The following ARCN1 variants were observed in gnomAD, a reference collection of about 807,000 sequenced individuals.
ARCN1 encodes the protein archain 1 coat protein complex I subunit delta.
In ARCN1, 5 loss-of-function variants were observed where a neutral mutation model predicts 60.4. The observed-to-expected ratio is 0.08, with a 90% CI of 0.04 to 0.17. ARCN1 has a LOEUF of 0.17. ARCN1 is among the 10% of genes least tolerant of loss of function. The pLI, the probability that ARCN1 is intolerant of heterozygous loss-of-function variation, is 1.00. For synonymous variants in ARCN1, 224 were observed against 220.0 expected (o/e 1.02, Z -0.16); for missense variants, 464 against 626.5 (o/e 0.74, Z 2.77).
In ARCN1 at chr11:118,588,909, G is replaced by A. The variant is rs376095048; in HGVS notation, c.819-1432G>A. Among the ~76,000 whole-genome samples, 884 of 151,638 alleles carry A rather than the reference G, an allele frequency of 5.8e-3. 10 individuals are homozygous for A. The highest frequency in any genetic ancestry group is 0.019 in the African/African-American group (787 of 41,338). On this transcript the variant is annotated intron_variant, in intron 5 of 9. Coordinates refer to ENST00000264028, the MANE Select transcript of ARCN1 (RefSeq NM_001655.5). ...GGCAGGTGCCTGAAATCCCAGCTACGCAGGAGGCTGAGACAGGAGAATCAC... is the reference window on the plus strand; with the variant it reads ...GGCAGGTGCCTGAAATCCCAGCTACACAGGAGGCTGAGACAGGAGAATCAC...
At chr11:118,580,074 G>A (rs1319627020) in intron 1 of ARCN1, among the ~76,000 whole-genome samples, 2 of 152,142 alleles carry the variant, frequency 1.3e-5, no homozygotes, top group Non-Finnish European at 2.9e-5. Flanking sequence ...TGTAATCCCA[G>A]CACTTTGGGA....
intron 5 of ARCN1, among the ~76,000 whole-genome samples, chr11:118,586,621 A>G (rs1308723299): frequency 1.3e-5 from 2 of 152,072 alleles, no homozygotes; most frequent in Non-Finnish European, 2.9e-5. Context: ...CAGGAGTTCA[A>G]GACCACCCTG....
At chr11:118,599,037 G>T (rs868907992) in intron 9 of ARCN1, among the ~76,000 whole-genome samples, 5 of 149,720 alleles carry the variant, frequency 3.3e-5, no homozygotes, top group African/African-American at 1.2e-4. Context: ...GAGGTGATCC[G>T]CCCACCTCAG....
intron 1 of ARCN1, among the ~76,000 whole-genome samples, chr11:118,574,682 T>C (rs1938443001): frequency 6.6e-6 from 1 of 152,126 alleles, no homozygotes; most frequent in Admixed American, 6.5e-5. Flanking sequence ...AATAGATAAA[T>C]AAGTGAACAA....
At chr11:118,575,124 G>A (rs932092052) in intron 1 of ARCN1, among the ~76,000 whole-genome samples, 7 of 152,054 alleles carry the variant, frequency 4.6e-5, no homozygotes, top group South Asian at 2.1e-4. Context: ...GACTGCAGGC[G>A]CCTGCCACCA....
Position 118,594,273 on chromosome 11 carries a change from T to C in ARCN1, c.1241+575T>C, listed in dbSNP as rs139986393. On this transcript the variant is annotated intron_variant, in intron 8 of 9. Transcript: ENST00000264028. The stretch of plus-strand genomic sequence containing the variant: ...CACCACCACGCTTGGCTAATTTTTG[T>C]ATTATTTGTAGGGACGGAGTTTTGC... Among the ~76,000 whole-genome samples, 26 of 152,040 alleles carry C rather than the reference T, an allele frequency of 1.7e-4. 1 individual carries two copies. In the East Asian group the frequency reaches 4.6e-3, roughly 27 times the overall value.
chr11:118,583,224 C>T lies in ARCN1; in HGVS notation c.313C>T (p.His105Tyr). ...RALEENEISEHCFDLIFAFDE... is the reference protein window; with the variant it reads ...RALEENEISEYCFDLIFAFDE... ...CTTAGAAGAGAATGAAATATCTGAG[C>T]ACTGTTTTGATTTGATTTTTGCTTT... The change falls in exon 3 of 10, where the codon CAC (histidine) becomes TAC (tyrosine). Residue 105 changes from histidine (H) to tyrosine (Y), a missense_variant. Physicochemically the swap from His to Tyr is moderately conservative, Grantham distance 83. Coordinates refer to ENST00000264028, the MANE Select transcript of ARCN1 (RefSeq NM_001655.5). 1 of 1,614,124 alleles carries T rather than the reference C, an allele frequency of 6.2e-7. No individual in the cohort carries two copies.
At chr11:118,583,040 CA>C in intron 2 of ARCN1, 138 bp from the exon 3 acceptor site, 1 of 1,040,402 alleles carries the variant, frequency 9.6e-7, no homozygotes, top group Non-Finnish European at 1.4e-6. Context: ...GACTCTGTCC[CA>C]AAAAATAAAA....
At chr11:118,584,439 A>G in intron 4 of ARCN1, 41 bp from the exon 5 acceptor site, 1 of 1,571,248 alleles carries the variant, frequency 6.4e-7, no homozygotes, top group Non-Finnish European at 8.6e-7. Flanking sequence ...TGCTTGTAAA[A>G]ATAAACCTTT....
At chr11:118,599,085 C>T (rs551593563) in intron 9 of ARCN1, among the ~76,000 whole-genome samples, 6 of 151,064 alleles carry the variant, frequency 4.0e-5, no homozygotes, top group South Asian at 2.1e-4. Context: ...TGAACTACCA[C>T]GCCTGGCGGA....
intron 1 of ARCN1, among the ~76,000 whole-genome samples, chr11:118,575,830 T>C (rs1938483372): frequency 6.6e-6 from 1 of 152,220 alleles, no homozygotes; most frequent in Non-Finnish European, 1.5e-5. Context: ...TATTCTTGTA[T>C]CTCTCTTGCA....
At chr11:118,584,408 A>G (rs1938731191) in intron 4 of ARCN1, 72 bp from the exon 5 acceptor site, 2 of 1,435,766 alleles carry the variant, frequency 1.4e-6, no homozygotes, top group African/African-American at 1.4e-5. Flanking sequence ...GGGAGATACA[A>G]AATTTTCATC....
At chr11:118,578,662 C>T (rs894259879) in intron 1 of ARCN1, among the ~76,000 whole-genome samples, 5 of 151,972 alleles carry the variant, frequency 3.3e-5, no homozygotes, top group Admixed American at 1.3e-4. Flanking sequence ...TCTAGAGGAT[C>T]GATGCATTCC....
In ARCN1 at chr11:118,590,389, C is replaced by T. The variant is rs371011063; in HGVS notation, c.867C>T (p.Asp289=). 132 of 1,613,844 alleles carry T rather than the reference C, an allele frequency of 8.2e-5. No individual in the cohort carries two copies. In the East Asian group the frequency reaches 1.8e-3, roughly 22 times the overall value. The change falls in exon 6 of 10, where the codon GAC becomes GAT. Residue 289 remains aspartate, a synonymous_variant. Coordinates refer to ENST00000264028, the MANE Select transcript of ARCN1 (RefSeq NM_001655.5). The part of the protein sequence containing the change: ...EEKITLTCGR[D]GGLQNMELHG... Reference sequence around the variant, plus strand: ...AGATAACATTAACCTGTGGACGAGACGGAGGATTACAGAATATGGAGTTGC... The same window carrying T: ...AGATAACATTAACCTGTGGACGAGATGGAGGATTACAGAATATGGAGTTGC...
In ARCN1 at chr11:118,583,869, C is replaced by T. The variant is rs1018525321; in HGVS notation, c.508C>T (p.Arg170Ter). The T allele has an allele frequency of 6.2e-7, 1 of 1,614,118 alleles. No individual in the cohort carries two copies. Among genetic ancestry groups the T allele is most frequent in the Non-Finnish European group, 8.5e-7 (1 of 1,180,018 alleles). The change falls in exon 4 of 10, where the codon CGA (arginine) becomes TGA (stop). Residue 170 changes from arginine (R) to a stop codon, truncating the protein, a stop_gained. Transcript: ENST00000264028. LOFTEE classifies it high-confidence loss of function. ...RRKAKELQQA[R>*]RDAERQGKKA... ...TAAAGCAAAGGAATTACAACAGGCCCGAAGAGATGCAGAGAGACAGGGCAA... is the reference window on the plus strand; with the variant it reads ...TAAAGCAAAGGAATTACAACAGGCCTGAAGAGATGCAGAGAGACAGGGCAA...
rs782817810 is a variant in ARCN1, at chr11:118,597,732, G to A, written c.1267G>A (p.Gly423Ser). The change falls in exon 9 of 10, where the codon GGT becomes AGT. Residue 423 changes from glycine to serine, a missense_variant. By Grantham distance (56) the Gly-to-Ser change is moderately conservative (BLOSUM62 0). This residue lies in a region of ARCN1 where 359 missense variants were observed against 440.2 expected (regional missense o/e 0.82). Transcript: ENST00000264028. The stretch of plus-strand genomic sequence containing the variant: ...GTCTGGTGTCGGCGCGCCTGTTATC[G>A]GTGAGATCGATGGGGAGTATCGACA... Reference protein sequence around the residue: ...LPSGVGAPVIGEIDGEYRHDS... With the variant: ...LPSGVGAPVISEIDGEYRHDS... 3.7e-6 allele frequency: 6 copies of A among 1,614,102 alleles called. 1 individual carries two copies. Among genetic ancestry groups the A allele is most frequent in the Admixed American group, 3.3e-5 (2 of 60,004 alleles).
At chr11:118,578,638 T>G (rs533436288) in intron 1 of ARCN1, among the ~76,000 whole-genome samples, 1 of 152,278 alleles carries the variant, frequency 6.6e-6, no homozygotes, top group East Asian at 1.9e-4. Flanking sequence ...CTATGGGCCA[T>G]TTGAAATAAC....
intron 8 of ARCN1, among the ~76,000 whole-genome samples, chr11:118,595,546 T>C (rs2135554408): frequency 6.6e-6 from 1 of 152,338 alleles, no homozygotes; most frequent in African/African-American, 2.4e-5. Context: ...AAGCTTTTGT[T>C]GTACACTTAA....
rs1555074606 is a variant in ARCN1, at chr11:118,581,437, T to C, written c.195T>C (p.Tyr65=). The C allele has an allele frequency of 6.2e-7, 1 of 1,614,228 alleles. No homozygotes were observed. Among genetic ancestry groups the C allele is most frequent in the Admixed American group, 1.7e-5 (1 of 60,020 alleles). ...TCTACCAGCCTATGGAGAAACTGTA[T>C]ATGGTACTGATCACTACCAAAAACA... is the stretch of plus-strand genomic sequence containing the variant. ...RYVYQPMEKL[Y]MVLITTKNSN... The change falls in exon 2 of 10, where the codon TAT becomes TAC. Residue 65 remains tyrosine, a synonymous_variant. Coordinates refer to ENST00000264028, the MANE Select transcript of ARCN1 (RefSeq NM_001655.5).
Sources: gnomAD v4.1 joint callset for allele counts (sites outside exome capture counted in the v4.1 genomes callset) on GRCh38, gnomAD v4.1.1 for gene constraint, gnomAD v4.1.1 regional missense constraint, MANE v1.5 for transcripts, NCBI Gene and HGNC (gene_info 2026-07-23, HGNC 2026-07-21) for gene names.